The following CCT4 variants were observed in gnomAD, a reference collection of about 807,000 sequenced individuals.
CCT4 encodes the protein T-complex protein 1 subunit delta.
CCT4 carries 17 observed loss-of-function variants against 62.5 expected under a neutral mutation model. The observed-to-expected ratio is 0.27, with a 90% CI of 0.19 to 0.41. The LOEUF (loss-of-function observed/expected upper bound fraction) is 0.41. Ranked by LOEUF, CCT4 falls within the 10% of genes least tolerant of loss-of-function variation. CCT4 has a pLI of 1.00. For synonymous variants in CCT4, 250 were observed against 229.9 expected, an observed-to-expected ratio of 1.09 and a Z score of -0.79; for missense variants, 592 against 659.2, an observed-to-expected ratio of 0.90 and a Z score of 1.12.
intron 12 of CCT4, among the ~76,000 whole-genome samples, chr2:61,871,031 G>GTTTT (rs747752539): frequency 7.2e-6 from 1 of 138,802 alleles, no homozygotes; most frequent in Admixed American, 7.3e-5. Context: ...TCTATTAATA[G>GTTTT]TTTTTTTTTT....
At chr2:61,883,172 C>A (rs2105139608) in intron 3 of CCT4, among the ~76,000 whole-genome samples, 2 of 152,176 alleles carry the variant, frequency 1.3e-5, no homozygotes, top group South Asian at 4.1e-4. Flanking sequence ...GTCTGTAATC[C>A]CAGCACTTTG....
Position 61,872,103 on chromosome 2 carries a change from A to G in CCT4, c.1470T>C (p.Thr490=). Residue 490 remains threonine, a synonymous_variant, in exon 12 of 14, where the codon ACT becomes ACC. Coordinates refer to ENST00000394440, the MANE Select transcript of CCT4 (RefSeq NM_006430.4). ...LRNRHAQGEK[T]AGINVRKGGI... ...TTACCTTTCGGACATTAATGCCTGC[A>G]GTTTTTTCTCCCTGGGCATGCCGGT... The G allele has an allele frequency of 1.2e-6, 2 of 1,612,158 alleles. No individual in the cohort carries two copies. The highest frequency in any genetic ancestry group is 1.7e-6 in the Non-Finnish European group (2 of 1,178,620).
chr2:61,885,188 C>T lies in CCT4; in HGVS notation c.128-116G>A, dbSNP rs967857642. 23 of 621,412 alleles carry T rather than the reference C, an allele frequency of 3.7e-5. No homozygotes were observed. The African/African-American group carries it at 4.5e-4, about 12-fold the overall frequency. The allele number at this position is 621,412 out of a possible 1,614,324, so 38.5% of individuals were successfully genotyped here. A position where few individuals can be genotyped will look rare whatever the true frequency, so the allele number is the denominator to read the frequency against. Reference sequence around the variant, plus strand: ...AACTCCTGGGCTCAAGCAACCCTCCCACCTCAGCCTCCCAGAATAGCTGGG... The same window carrying T: ...AACTCCTGGGCTCAAGCAACCCTCCTACCTCAGCCTCCCAGAATAGCTGGG... On this transcript the variant is annotated intron_variant, in intron 1 of 13. Transcript: ENST00000394440.
intron 12 of CCT4, among the ~76,000 whole-genome samples, chr2:61,870,505 G>C (rs1668861368): frequency 6.6e-6 from 1 of 150,742 alleles, no homozygotes. Flanking sequence ...TTAGCCTCTT[G>C]CTTAAAAAAA....
intron 3 of CCT4, 89 bp downstream of exon 3, chr2:61,883,370 T>G (rs544767936): frequency 1.5e-6 from 1 of 667,280 alleles, no homozygotes; most frequent in Admixed American, 3.1e-5. Flanking sequence ...TGAGCTGAGA[T>G]TGTGCCACGG....
In CCT4 at chr2:61,888,499, C is replaced by T; in HGVS notation, c.9G>A (p.Glu3=). Residue 3 remains glutamate, a synonymous_variant, in exon 1 of 14, where the codon GAG becomes GAA. Coordinates refer to ENST00000394440, the MANE Select transcript of CCT4 (RefSeq NM_006430.4). Reference sequence around the variant, plus strand: ...TCGCCCCGCTCCGGGGTGCCACATTCTCGGGCATGGCAAACTCCGCTGTGT... The same window carrying T: ...TCGCCCCGCTCCGGGGTGCCACATTTTCGGGCATGGCAAACTCCGCTGTGT... The part of the protein sequence containing the change: MP[E]NVAPRSGATA... 2 of 1,611,944 alleles carry T rather than the reference C, an allele frequency of 1.2e-6. No homozygotes were observed. Among genetic ancestry groups the T allele is most frequent in the South Asian group, 1.1e-5 (1 of 90,888 alleles).
intron 3 of CCT4, among the ~76,000 whole-genome samples, chr2:61,881,746 A>G (rs1043707047): frequency 2.0e-5 from 3 of 152,108 alleles, no homozygotes; most frequent in Non-Finnish European, 4.4e-5. Flanking sequence ...AAATCTTCAT[A>G]AACAATTTTT....
At chr2:61,875,004 T>A (rs1668967345) in intron 8 of CCT4, among the ~76,000 whole-genome samples, 1 of 151,904 alleles carries the variant, frequency 6.6e-6, no homozygotes, top group Non-Finnish European at 1.5e-5. Context: ...TAGCTGGGTG[T>A]GGTGGCACAT....
chr2:61,879,296 C>CT (rs2105134633), intron 4 of CCT4, among the ~76,000 whole-genome samples: 1 of 119,430 alleles, frequency 8.4e-6, no homozygotes, highest in South Asian at 2.8e-4. Context: ...GGGTCTTACT[C>CT]TGTCACCCAG....
chr2:61,877,167 T>G (rs2105132129), intron 6 of CCT4, 115 bp from the exon 7 acceptor site: 4 of 1,016,174 alleles, frequency 3.9e-6, no homozygotes, highest in Middle Eastern at 2.2e-4. Context: ...AGCCTCACAT[T>G]TATTATTGCC....
At chr2:61,872,735 G>A in intron 10 of CCT4, 147 bp from the exon 11 acceptor site, 1 of 739,628 alleles carries the variant, frequency 1.4e-6, no homozygotes, top group Non-Finnish European at 2.2e-6. Flanking sequence ...AGACCATCCT[G>A]ACTAACACAG....
At chr2:61,869,352 C>T (rs779135338) in intron 13 of CCT4, 88 bp downstream of exon 13, 3 of 754,822 alleles carry the variant, frequency 4.0e-6, no homozygotes, top group Non-Finnish European at 6.9e-6. Flanking sequence ...ACCAACCAAC[C>T]AACCAAACAA....
chr2:61,877,150 A>G, intron 6 of CCT4, 98 bp from the exon 7 acceptor site: 1 of 1,130,476 alleles, frequency 8.8e-7, no homozygotes, highest in Non-Finnish European at 1.3e-6. Flanking sequence ...CCAATAAAAT[A>G]TGATTCAGCC....
At chr2:61,869,947 T>A (rs994926433) in intron 12 of CCT4, among the ~76,000 whole-genome samples, 1 of 150,682 alleles carries the variant, frequency 6.6e-6, no homozygotes, top group Non-Finnish European at 1.5e-5. Context: ...TTTTTAAATA[T>A]TGGCAAAATT....
chr2:61,887,340 G>C (rs1230475544), intron 1 of CCT4, among the ~76,000 whole-genome samples: 1 of 152,118 alleles, frequency 6.6e-6, no homozygotes, highest in African/African-American at 2.4e-5. Context: ...ATATACGTGG[G>C]TCTTTATATG....
intron 3 of CCT4, among the ~76,000 whole-genome samples, chr2:61,882,091 C>T (rs1254035638): frequency 6.6e-6 from 1 of 152,016 alleles, no homozygotes; most frequent in Non-Finnish European, 1.5e-5. Context: ...CACCACCACG[C>T]CCAGCTGATT....
chr2:61,879,825 C>T (rs1225485566), intron 4 of CCT4, among the ~76,000 whole-genome samples: 1 of 151,872 alleles, frequency 6.6e-6, no homozygotes, highest in Non-Finnish European at 1.5e-5. Flanking sequence ...TCACTGCAAC[C>T]TCTACCTCCC....
chr2:61,872,085 T>G lies in CCT4; in HGVS notation c.1488A>C (p.Arg496=), dbSNP rs539807074. Reference sequence around the variant, plus strand: ...ACATTAGAGATTAAATGATTACCTTTCGGACATTAATGCCTGCAGTTTTTT... The same window carrying G: ...ACATTAGAGATTAAATGATTACCTTGCGGACATTAATGCCTGCAGTTTTTT... ...QGEKTAGINV[R]KGGISNILEE... is the part of the protein sequence containing the mutation. Residue 496 remains arginine (R), a synonymous_variant, in exon 12 of 14, where the codon CGA becomes CGC. Transcript: ENST00000394440. 3.7e-5 allele frequency: 59 copies of G among 1,594,854 alleles called. No individual in the cohort carries two copies. The Middle Eastern group carries it at 7.5e-4, about 20-fold the overall frequency.
chr2:61,876,015 A>AT, intron 8 of CCT4, 80 bp downstream of exon 8: 1 of 868,420 alleles, frequency 1.2e-6, no homozygotes, highest in Non-Finnish European at 1.8e-6. Flanking sequence ...CTTAAATCAT[A>AT]TATTTTATCA....
Sources: gnomAD v4.1 joint callset for allele counts (sites outside exome capture counted in the v4.1 genomes callset) on GRCh38, gnomAD v4.1.1 for gene constraint, MANE v1.5 for transcripts, NCBI Gene and HGNC (gene_info 2026-07-23, HGNC 2026-07-21) for gene names.